NEK11: variants seen among roughly 807,000 people sequenced by gnomAD.
The protein encoded by NEK11 is NIMA related kinase 11, also known as serine/threonine-protein kinase Nek11.
A neutral mutation model predicts 80.7 loss-of-function variants in NEK11; 72 were observed. The ratio of observed to expected loss-of-function variants is 0.89; its 90% CI spans 0.74 to 1.08. The LOEUF (loss-of-function observed/expected upper bound fraction) is 1.08, where lower values mean the gene tolerates loss of function less well. Ranked by LOEUF, NEK11 falls within the 50% of genes least tolerant of loss-of-function variation. The probability of loss-of-function intolerance (pLI) is 0.00; values close to 1 mark genes in which losing one functional copy is unlikely to be tolerated. For missense variants in NEK11, 764 were observed against 763.6 expected, an observed-to-expected ratio of 1.00 and a Z score of -0.01; for synonymous variants, 251 against 260.7, an observed-to-expected ratio of 0.96 and a Z score of 0.36.
intron 14 of NEK11, among the ~76,000 whole-genome samples, chr3:131,215,181 C>T (rs547332374): frequency 1.3e-5 from 2 of 150,486 alleles, no homozygotes; most frequent in South Asian, 2.1e-4. Flanking sequence ...GGACAAAAAA[C>T]CAAACACCGC....
intron 14 of NEK11, among the ~76,000 whole-genome samples, chr3:131,203,810 T>C (rs1263550744): frequency 1.3e-5 from 1 of 75,836 alleles, no homozygotes; most frequent in Non-Finnish European, 2.5e-5. Flanking sequence ...TATATATATA[T>C]ATATATATAT....
intron 7 of NEK11, among the ~76,000 whole-genome samples, chr3:131,138,851 C>T (rs2086218865): frequency 6.6e-6 from 1 of 152,158 alleles, no homozygotes; most frequent in Admixed American, 6.5e-5. Flanking sequence ...GCAGATGTAG[C>T]TTAGATCACA....
chr3:131,209,726 T>C (rs1343595336), intron 14 of NEK11, among the ~76,000 whole-genome samples: 1 of 152,218 alleles, frequency 6.6e-6, no homozygotes, highest in Non-Finnish European at 1.5e-5. Flanking sequence ...GGTGTAAATG[T>C]ACAGGAATTT....
At chr3:131,189,270 T>C (rs1439478296) in intron 14 of NEK11, among the ~76,000 whole-genome samples, 1 of 152,190 alleles carries the variant, frequency 6.6e-6, no homozygotes, top group Non-Finnish European at 1.5e-5. Context: ...GGGACTTCAT[T>C]ACAGCAGGCC....
At chr3:131,325,456 G>T (rs1182882336) in intron 17 of NEK11, 1 of 152,072 alleles carries the variant, frequency 6.6e-6, no homozygotes, top group Non-Finnish European at 1.5e-5. Context: ...TGGGAAGGGA[G>T]TATGATTTGG....
chr3:131,201,768 G>C (rs10512801), intron 14 of NEK11, among the ~76,000 whole-genome samples: 19,297 of 151,934 alleles, frequency 0.13, 1,524 homozygotes, highest in Non-Finnish European at 0.17. Flanking sequence ...AACTACTCCA[G>C]ACCAATTTAA....
intron 3 of NEK11, chr3:131,054,330 A>G (rs560423272): frequency 6.7e-6 from 1 of 148,450 alleles, no homozygotes; most frequent in South Asian, 2.1e-4. Flanking sequence ...TGTCTCAAAG[A>G]AAAAAAAAAA....
At chr3:131,081,283 C>G (rs558271047) in intron 4 of NEK11, among the ~76,000 whole-genome samples, 1 of 152,260 alleles carries the variant, frequency 6.6e-6, no homozygotes, top group African/African-American at 2.4e-5. Flanking sequence ...TGGATTCCAG[C>G]TCTATGGTTT....
intron 17 of NEK11, among the ~76,000 whole-genome samples, chr3:131,299,624 A>T (rs2096639115): frequency 6.6e-6 from 1 of 151,640 alleles, no homozygotes; most frequent in African/African-American, 2.4e-5. Flanking sequence ...GAGAACATAC[A>T]GCATTTGGTT....
intron 3 of NEK11, among the ~76,000 whole-genome samples, chr3:131,060,470 A>G (rs1008873080): frequency 6.6e-6 from 1 of 152,240 alleles, no homozygotes; most frequent in Non-Finnish European, 1.5e-5. Context: ...GATTAAGTAT[A>G]GGTGTGTTTC....
Position 131,210,963 on chromosome 3 carries a change from G to A in NEK11, c.1400-17565G>A, listed in dbSNP as rs1236828674. ...CTGTGTCTTTTAATTGGGGCATTTAGCCCATTTACATTTAAGATTAATATT... is the reference window on the plus strand; with the variant it reads ...CTGTGTCTTTTAATTGGGGCATTTAACCCATTTACATTTAAGATTAATATT... On this transcript the variant is annotated intron_variant, in intron 14 of 17. Transcript: ENST00000383366. Among the ~76,000 whole-genome samples the A allele has an allele frequency of 2.6e-5, 4 of 152,144 alleles. No individual in the cohort carries two copies. The East Asian group carries it at 7.7e-4, about 29-fold the overall frequency.
Position 131,074,490 on chromosome 3 carries a change from T to C in NEK11, c.171-5933T>C, listed in dbSNP as rs563665081. Reference sequence around the variant, plus strand: ...TGTGTATGTGTATGTATGTGTTTACTCTAAGGAAATATACAGCATATATAA... The same window carrying C: ...TGTGTATGTGTATGTATGTGTTTACCCTAAGGAAATATACAGCATATATAA... On this transcript the variant is annotated intron_variant, in intron 3 of 17. Transcript: ENST00000383366. Among the ~76,000 whole-genome samples, 5 of 152,292 alleles carry C rather than the reference T, an allele frequency of 3.3e-5. No individual in the cohort carries two copies. The South Asian group carries it at 1.0e-3, about 32-fold the overall frequency.
Position 131,133,956 on chromosome 3 carries a change from G to A in NEK11, c.647G>A (p.Trp216Ter). The A allele has an allele frequency of 6.2e-7, 1 of 1,607,028 alleles. No homozygotes were observed. The highest frequency in any genetic ancestry group is 2.2e-5 in the East Asian group (1 of 44,728). The change falls in exon 7 of 18, where the codon TGG becomes TAG. Residue 216 changes from tryptophan to a stop codon, truncating the protein, a stop_gained and splice_region_variant. Coordinates refer to ENST00000383366, the MANE Select transcript of NEK11 (RefSeq NM_024800.5). LOFTEE classifies it high-confidence loss of function. ...HQGYDTKSDI[W>*]SLACILYEMC... is the part of the protein sequence containing the mutation. ...GGCTATGACACAAAGTCGGACATCTGGTGAGTGGGCTAGTGGGCTAGACTC... is the reference window on the plus strand; with the variant it reads ...GGCTATGACACAAAGTCGGACATCTAGTGAGTGGGCTAGTGGGCTAGACTC...
At chr3:131,250,974 A>C (rs1354214229) in intron 16 of NEK11, among the ~76,000 whole-genome samples, 1 of 152,050 alleles carries the variant, frequency 6.6e-6, no homozygotes, top group Non-Finnish European at 1.5e-5. Context: ...TAGTCATAAT[A>C]ATTTTTTTTA....
intron 14 of NEK11, among the ~76,000 whole-genome samples, chr3:131,227,828 C>T (rs1042463610): frequency 6.6e-6 from 1 of 152,062 alleles, no homozygotes; most frequent in Non-Finnish European, 1.5e-5. Flanking sequence ...GTTATAAACA[C>T]CAACTTTATT....
At chr3:131,329,978 G>A (rs2097047273) in intron 17 of NEK11, 1 of 152,304 alleles carries the variant, frequency 6.6e-6, no homozygotes, top group Non-Finnish European at 1.5e-5. Context: ...TGGCTGCTGA[G>A]CTGACAATAG....
At chr3:131,302,036 C>G (rs1208559351) in intron 17 of NEK11, among the ~76,000 whole-genome samples, 2 of 151,946 alleles carry the variant, frequency 1.3e-5, no homozygotes, top group African/African-American at 4.8e-5. Context: ...TTTTGGACCT[C>G]ATTACTGGTC....
intron 7 of NEK11, among the ~76,000 whole-genome samples, chr3:131,135,505 G>A (rs2085393708): frequency 6.6e-6 from 1 of 152,118 alleles, no homozygotes; most frequent in Non-Finnish European, 1.5e-5. Context: ...GCCCAAGACT[G>A]TGTAACATTC....
intron 3 of NEK11, among the ~76,000 whole-genome samples, chr3:131,063,547 G>A (rs1236750899): frequency 6.6e-6 from 1 of 152,160 alleles, no homozygotes; most frequent in Non-Finnish European, 1.5e-5. Flanking sequence ...TACAGAGATA[G>A]GATCATGAAT....
Sources: allele counts gnomAD v4.1 joint callset (sites outside exome capture counted in the v4.1 genomes callset), GRCh38; gene constraint gnomAD v4.1.1; transcripts MANE v1.5; gene names NCBI Gene and HGNC (gene_info 2026-07-23, HGNC 2026-07-21).